The following GRAMD1A variants were observed in gnomAD, a reference collection of about 807,000 sequenced individuals.
The protein encoded by GRAMD1A is protein Aster-A.
Under a neutral mutation model 92.0 loss-of-function variants are expected in GRAMD1A, and 50 were observed. The observed-to-expected ratio is 0.54, with a 90% confidence interval of 0.43 to 0.69. The LOEUF is 0.69. GRAMD1A is among the 30% of genes least tolerant of loss of function. GRAMD1A has a pLI of 0.00. For missense variants in GRAMD1A, 819 were observed against 978.9 expected (o/e 0.84, Z 2.18); for synonymous variants, 405 against 403.6 (o/e 1.00, Z -0.04).
At chr19:35,009,362 G>C (rs1338674119) in intron 2 of GRAMD1A, 33 bp downstream of exon 2, 2 of 1,613,512 alleles carry the variant, frequency 1.2e-6, no homozygotes, top group Non-Finnish European at 1.7e-6. Flanking sequence ...TGGGGAGAGG[G>C]CTAGTGGGGG....
chr19:35,010,593 T>C (rs1339708332), intron 6 of GRAMD1A: 4 of 600,664 alleles, frequency 6.7e-6, no homozygotes, highest in Non-Finnish European at 1.2e-5. Context: ...ACACAGCTGC[T>C]CAGGAACAGC....
In GRAMD1A at chr19:35,015,860, G is replaced by A. The variant is rs766473562; in HGVS notation, c.1106G>A (p.Arg369His). 5.6e-6 allele frequency: 9 copies of A among 1,613,988 alleles called. No homozygotes were observed. Among genetic ancestry groups the A allele is most frequent in the Middle Eastern group, 3.3e-4 (2 of 6,062 alleles). ...GCCCTGCTTCCCGACCTCTCCGGCC[G>A]CCTCCTCATCAACTCTGTCTTCCAT... ...LAALLPDLSG[R>H]LLINSVFHVG... Residue 369 changes from arginine (R) to histidine (H), a missense_variant, in exon 11 of 20, where the codon CGC becomes CAC. Arg to His is a conservative substitution (Grantham distance 29, BLOSUM62 0). Coordinates refer to ENST00000317991, the MANE Select transcript of GRAMD1A (RefSeq NM_020895.5).
chr19:35,024,747 A>C (rs2016319543), intron 19 of GRAMD1A, among the ~76,000 whole-genome samples: 1 of 152,138 alleles, frequency 6.6e-6, no homozygotes, highest in South Asian at 2.1e-4. Context: ...CTGAGGCCCC[A>C]TCACTCATAG....
intron 16 of GRAMD1A, 41 bp downstream of exon 16, chr19:35,022,079 C>CT (rs1214253350): frequency 6.9e-7 from 1 of 1,454,996 alleles, no homozygotes; most frequent in Non-Finnish European, 9.6e-7. Flanking sequence ...AGGCCTGAAC[C>CT]TGCCTCCTGG....
chr19:35,000,551 C>T lies in GRAMD1A; in HGVS notation c.8+65C>T. On this transcript the variant is annotated intron_variant, in intron 1 of 19. Coordinates refer to ENST00000317991, the MANE Select transcript of GRAMD1A (RefSeq NM_020895.5). This position sits in a 1 kb window ranked among gnomAD's most constrained non-coding sequence, Gnocchi z 4.9. ...GGGGGAGGCCACCGGAGGGAGGGGGCGCCGCGGGCTTGGGGAGGGGGCGGA... is the reference window on the plus strand; with the variant it reads ...GGGGGAGGCCACCGGAGGGAGGGGGTGCCGCGGGCTTGGGGAGGGGGCGGA... 12 of 1,181,104 alleles carry T rather than the reference C, an allele frequency of 1.0e-5. No individual in the cohort carries two copies. Among genetic ancestry groups the T allele is most frequent in the Non-Finnish European group, 1.3e-5 (12 of 942,416 alleles). 73.2% of individuals were successfully genotyped at this position (1,181,104 alleles called of 1,614,324 possible).
In GRAMD1A at chr19:35,023,139, C is replaced by T. The variant is rs1054779487; in HGVS notation, c.1854-97C>T. On this transcript the variant is annotated intron_variant, in intron 17 of 19. Transcript: ENST00000317991. ...CTCTGAGCCTAATTCTCCTCCTCTG[C>T]AATGGGGGATAGAGGTGTCCCTACA... is the stretch of plus-strand genomic sequence containing the variant. 1.5e-5 allele frequency: 14 copies of T among 904,714 alleles called. No individual in the cohort carries two copies. In the Admixed American group the frequency reaches 1.6e-4, roughly 10 times the overall value. The allele number at this position is 904,714 out of a possible 1,614,324, so 56.0% of individuals were successfully genotyped here.
upstream of GRAMD1A, among the ~76,000 whole-genome samples, chr19:34,997,204 G>A (rs567963300): frequency 1.6e-3 from 244 of 151,980 alleles, 1 homozygote; most frequent in Non-Finnish European, 3.0e-3. Context: ...TGAGGCACCC[G>A]GCCGCAATCA....
At chr19:35,023,748 C>T (rs1309269039) in intron 19 of GRAMD1A, 5 of 536,540 alleles carry the variant, frequency 9.3e-6, no homozygotes, top group Non-Finnish European at 1.6e-5. Context: ...CTGATTGGCT[C>T]ACGTCCTGGA....
At chr19:34,996,222 C>T, upstream of GRAMD1A, 1 of 1,535,496 alleles carries the variant, frequency 6.5e-7, no homozygotes, top group Non-Finnish European at 8.7e-7. Flanking sequence ...GAGTCCCCCG[C>T]CTGCACCCCA....
chr19:35,014,628 A>G lies in GRAMD1A; in HGVS notation c.1069+241A>G, dbSNP rs570465200. Reference sequence around the variant, plus strand: ...CACATCCTGGTCACACCACTTCCTGACCATGTCACGTGGGCAAATTATGTA... The same window carrying G: ...CACATCCTGGTCACACCACTTCCTGGCCATGTCACGTGGGCAAATTATGTA... On this transcript the variant is annotated intron_variant, in intron 10 of 19. Transcript: ENST00000317991. The G allele has an allele frequency of 6.9e-5, 39 of 566,084 alleles. No individual in the cohort carries two copies. The African/African-American group carries it at 7.3e-4, about 11-fold the overall frequency. The allele number at this position is 566,084 out of a possible 1,614,324, so 35.1% of individuals were successfully genotyped here.
Position 35,009,707 on chromosome 19 carries a change from G to A in GRAMD1A, c.241-181G>A. Reference sequence around the variant, plus strand: ...GAGTCAGTGATGCTGGTGGGTGCTTGGTACGGGGCCCGGCTTACATAAGAA... The same window carrying A: ...GAGTCAGTGATGCTGGTGGGTGCTTAGTACGGGGCCCGGCTTACATAAGAA... On this transcript the variant is annotated intron_variant, in intron 3 of 19. Transcript: ENST00000317991. 11 of 637,308 alleles carry A rather than the reference G, an allele frequency of 1.7e-5. No homozygotes were observed. The South Asian group carries it at 2.0e-4, about 12-fold the overall frequency. 39.5% of individuals were successfully genotyped at this position (637,308 alleles called of 1,614,324 possible).
chr19:34,995,581 T>TTTG (rs2014000960), upstream of GRAMD1A, among the ~76,000 whole-genome samples: 2 of 142,538 alleles, frequency 1.4e-5, no homozygotes, highest in African/African-American at 5.3e-5. Flanking sequence ...GTTTTTTTTT[T>TTTG]TTTTTTTTTT....
rs1055699251 is a variant in GRAMD1A at position 35,013,200 on chromosome 19, G to C, written c.607-56G>C. 4.3e-6 allele frequency: 4 copies of C among 924,552 alleles called. No individual in the cohort carries two copies. Among genetic ancestry groups the C allele is most frequent in the East Asian group, 5.3e-5 (2 of 37,524 alleles). 57.3% of individuals were successfully genotyped at this position (924,552 alleles called of 1,614,324 possible). A position where few individuals can be genotyped will look rare whatever the true frequency, so the allele number is the denominator to read the frequency against. On this transcript the variant is annotated intron_variant, in intron 7 of 19. Coordinates refer to ENST00000317991, the MANE Select transcript of GRAMD1A (RefSeq NM_020895.5). This position sits in a 1 kb window ranked among gnomAD's most constrained non-coding sequence, Gnocchi z 4.9. ...GCCGAGGGCTGGTGGGGAATCTGGC[G>C]GGCCGGGCTCTGGCTGGGGTGAGAT...
At chr19:35,003,384 C>T (rs2151701188) in intron 1 of GRAMD1A, among the ~76,000 whole-genome samples, 1 of 152,276 alleles carries the variant, frequency 6.6e-6, no homozygotes, top group Middle Eastern at 3.4e-3. Flanking sequence ...AAAACAACAT[C>T]CCTTCCGAGT....
At chr19:35,004,492 T>C (rs746432157) in intron 1 of GRAMD1A, among the ~76,000 whole-genome samples, 2 of 152,192 alleles carry the variant, frequency 1.3e-5, no homozygotes, top group Non-Finnish European at 2.9e-5. Flanking sequence ...CATTGCTTTA[T>C]GGCGTTCACC....
chr19:35,010,663 TC>T, intron 6 of GRAMD1A: 1 of 586,410 alleles, frequency 1.7e-6, no homozygotes, highest in East Asian at 2.8e-5. Flanking sequence ...TTCGTAAGTC[TC>T]CCCGATGTTG....
At chr19:34,997,667 A>T (rs1323794382), upstream of GRAMD1A, among the ~76,000 whole-genome samples, 1 of 152,218 alleles carries the variant, frequency 6.6e-6, no homozygotes, top group Non-Finnish European at 1.5e-5. Context: ...GGGGACAGCA[A>T]GTTGCAAATG....
intron 2 of GRAMD1A, 31 bp downstream of exon 2, chr19:35,009,360 G>A (rs751460007): frequency 6.2e-7 from 1 of 1,613,622 alleles, no homozygotes; most frequent in Non-Finnish European, 8.5e-7. Context: ...GGTGGGGAGA[G>A]GGCTAGTGGG....
Position 35,021,931 on chromosome 19 carries a change from T to TGGG in GRAMD1A, c.1754-20_1754-19insGGG, listed in dbSNP as rs2016090729. The stretch of plus-strand genomic sequence containing the variant: ...GGGGTCCTGGACTGGGCCATCTGAC[T>TGGG]CCAAGCTGCTCTCCTGCAGGCTCCC... On this transcript the variant is annotated intron_variant, in intron 15 of 19. Coordinates refer to ENST00000317991, the MANE Select transcript of GRAMD1A (RefSeq NM_020895.5). The surrounding 1 kb of genome is among the most constrained non-coding windows in gnomAD (Gnocchi z 5.3). 1 of 1,613,306 alleles carries TGGG rather than the reference T, an allele frequency of 6.2e-7. No homozygotes were observed. The highest frequency in any genetic ancestry group is 1.1e-5 in the South Asian group (1 of 90,978).
Sources: allele counts gnomAD v4.1 joint callset (sites outside exome capture counted in the v4.1 genomes callset), GRCh38; gene constraint gnomAD v4.1.1; non-coding constraint Gnocchi (gnomAD v3.1); transcripts MANE v1.5; gene names NCBI Gene and HGNC (gene_info 2026-07-23, HGNC 2026-07-21).